Variants in PANK2 observed in about 807,000 individuals in gnomAD.
PANK2 encodes the protein pantothenate kinase 2.
A neutral mutation model predicts 43.1 loss-of-function variants in PANK2; 36 were observed. That is an observed-to-expected ratio of 0.84 (90% CI 0.64 to 1.10). The LOEUF is 1.10. Ranked by LOEUF, PANK2 falls within the 50% of genes least tolerant of loss-of-function variation. PANK2 has a pLI of 0.00. For synonymous variants in PANK2, 281 were observed against 238.2 expected, an observed-to-expected ratio of 1.18 and a Z score of -1.66; for missense variants, 576 against 593.3, an observed-to-expected ratio of 0.97 and a Z score of 0.30.
At chr20:3,889,772 C>T (rs762350151) in intron 1 of PANK2, 44 bp downstream of exon 1, 23 of 1,575,104 alleles carry the variant, frequency 1.5e-5, no homozygotes, top group African/African-American at 8.0e-5. Context: ...CCTGCCCCCC[C>T]TTCCGGCCCA....
At chr20:3,903,015 A>ACACC (rs1263749754) in intron 1 of PANK2, among the ~76,000 whole-genome samples, 10 of 117,112 alleles carry the variant, frequency 8.5e-5, no homozygotes, top group African/African-American at 3.1e-5. Flanking sequence ...ACACACACAC[A>ACACC]CACCCCTTTT....
upstream of PANK2, chr20:3,889,066 G>A (rs1286035414): frequency 6.0e-6 from 9 of 1,497,000 alleles, no homozygotes; most frequent in South Asian, 1.3e-5. Flanking sequence ...GGGGGGCAGA[G>A]GCATGCACAA....
rs1288950532 is a variant in PANK2, at chr20:3,927,485, A to G, written c.*4191A>G. The G allele has an allele frequency of 2.6e-5, 4 of 152,358 alleles. No homozygotes were observed. The South Asian group carries it at 8.3e-4, about 32-fold the overall frequency. 9.4% of individuals were successfully genotyped at this position (152,358 alleles called of 1,614,324 possible). On this transcript the variant is annotated 3_prime_UTR_variant, in exon 7 of 7. Transcript: ENST00000610179. Reference sequence around the variant, plus strand: ...TATTCTGCTGCAGAATTTTTAGTGTACAAAGACGTCTATGAAACCTGAGGT... The same window carrying G: ...TATTCTGCTGCAGAATTTTTAGTGTGCAAAGACGTCTATGAAACCTGAGGT...
chr20:3,918,901 T>A, intron 6 of PANK2, 105 bp downstream of exon 6: 2 of 1,579,498 alleles, frequency 1.3e-6, no homozygotes, highest in Non-Finnish European at 1.7e-6. Context: ...GGCTGCAGTG[T>A]TTCTTTTGTT....
chr20:3,916,820 A>G (rs2090567277), intron 4 of PANK2, 107 bp from the exon 5 acceptor site: 7 of 1,497,036 alleles, frequency 4.7e-6, no homozygotes, highest in Admixed American at 1.9e-5. Flanking sequence ...GAAGATTTCA[A>G]CAATGTTGCC....
At chr20:3,889,133 C>G, upstream of PANK2, 1 of 1,560,978 alleles carries the variant, frequency 6.4e-7, no homozygotes, top group African/African-American at 1.4e-5. Flanking sequence ...ACCCACGCGT[C>G]CATTGGGCGG....
chr20:3,904,970 A>C (rs1046985658), intron 1 of PANK2, among the ~76,000 whole-genome samples: 1 of 152,198 alleles, frequency 6.6e-6, no homozygotes, highest in African/African-American at 2.4e-5. Context: ...ATACGTGGCA[A>C]AATATGGGGT....
intron 1 of PANK2, chr20:3,901,573 C>G (rs961257553): frequency 2.5e-5 from 24 of 976,984 alleles, no homozygotes; most frequent in Admixed American, 1.2e-4. Flanking sequence ...GCTTTCATTT[C>G]CTTCTCCCTT....
intron 2 of PANK2, among the ~76,000 whole-genome samples, chr20:3,909,884 G>A (rs2090441361): frequency 6.6e-6 from 1 of 152,042 alleles, no homozygotes; most frequent in Non-Finnish European, 1.5e-5. Flanking sequence ...GAGCCACCGT[G>A]CCCGGCCGAT....
chr20:3,904,066 G>A (rs1247517605), intron 1 of PANK2, among the ~76,000 whole-genome samples: 1 of 151,922 alleles, frequency 6.6e-6, no homozygotes, highest in Non-Finnish European at 1.5e-5. Context: ...AAAGTGCTGG[G>A]ATTACATTCT....
At chr20:3,894,476 G>A (rs1235689454) in intron 1 of PANK2, among the ~76,000 whole-genome samples, 2 of 151,994 alleles carry the variant, frequency 1.3e-5, no homozygotes, top group African/African-American at 4.8e-5. Context: ...TGGACCTCCG[G>A]TGATCTGCCC....
intron 4 of PANK2, among the ~76,000 whole-genome samples, chr20:3,912,993 G>A (rs1028542975): frequency 1.4e-5 from 2 of 142,124 alleles, no homozygotes; most frequent in African/African-American, 5.1e-5. Context: ...TTTTAAAAAA[G>A]CTCTATTGAG....
rs1049738281 is a variant in PANK2, at chr20:3,913,369, G to A, written c.1082+735G>A. ...TAATATTTCTTTTTTCTGAGACGGC[G>A]TTTTACTCTTTTTGCCCAGGCTGGA... is the stretch of plus-strand genomic sequence containing the variant. On this transcript the variant is annotated intron_variant, in intron 4 of 6. Coordinates refer to ENST00000610179, the MANE Select transcript of PANK2 (RefSeq NM_001386393.1). Among the ~76,000 whole-genome samples the A allele has an allele frequency of 5.3e-5, 8 of 151,930 alleles. No homozygotes were observed. The South Asian group carries it at 1.5e-3, about 28-fold the overall frequency.
chr20:3,920,847 A>G (rs2090635194), intron 6 of PANK2, among the ~76,000 whole-genome samples: 2 of 152,220 alleles, frequency 1.3e-5, no homozygotes, highest in African/African-American at 4.8e-5. Flanking sequence ...CTCCATCTCA[A>G]AACAAAAAAC....
chr20:3,913,153 A>T (rs73084555), intron 4 of PANK2, among the ~76,000 whole-genome samples: 14,312 of 150,846 alleles, frequency 0.095, 926 homozygotes, highest in Non-Finnish European at 0.15. Context: ...ATTAGCTACG[A>T]CTCTCCATTC....
At chr20:3,900,034 A>C (rs535698130) in intron 1 of PANK2, among the ~76,000 whole-genome samples, 2 of 150,898 alleles carry the variant, frequency 1.3e-5, no homozygotes, top group Non-Finnish European at 3.0e-5. Flanking sequence ...CACATGAGAG[A>C]GTTTTTTTTT....
In PANK2 at chr20:3,907,977, A is replaced by G. The variant is rs1555787646; in HGVS notation, c.350A>G (p.Tyr117Cys). ...GGTGGAACTCTGGTCAAGCTGGTAT[A>G]TTTTGAACCCAAAGACATCACTGCT... Residue 117 changes from tyrosine to cysteine, a missense_variant, in exon 2 of 7, where the codon TAT (tyrosine) becomes TGT (cysteine). By Grantham distance (194) the Tyr-to-Cys change is radical. Around this residue, in one of 2 missense-constraint regions of PANK2, gnomAD observed 544 missense variants for 528.9 expected, o/e 1.03. Coordinates refer to ENST00000610179, the MANE Select transcript of PANK2 (RefSeq NM_001386393.1). 5.0e-6 allele frequency: 8 copies of G among 1,614,048 alleles called. No individual in the cohort carries two copies. The highest frequency in any genetic ancestry group is 2.7e-5 in the African/African-American group (2 of 74,920).
chr20:3,918,601 A>G (rs548045694), intron 5 of PANK2, 70 bp from the exon 6 acceptor site: 1 of 1,598,762 alleles, frequency 6.3e-7, no homozygotes, highest in South Asian at 1.1e-5. Flanking sequence ...ATGGTGCTGT[A>G]TTTGGGGTAG....
intron 1 of PANK2, among the ~76,000 whole-genome samples, chr20:3,904,898 C>T (rs1212613524): frequency 6.6e-6 from 1 of 152,174 alleles, no homozygotes; most frequent in Non-Finnish European, 1.5e-5. Context: ...TCCTGTTCTT[C>T]TGCCAGTGGA....
Sources: gnomAD v4.1 joint callset for allele counts (sites outside exome capture counted in the v4.1 genomes callset) on GRCh38, gnomAD v4.1.1 for gene constraint, gnomAD v4.1.1 regional missense constraint, MANE v1.5 for transcripts, NCBI Gene and HGNC (gene_info 2026-07-23, HGNC 2026-07-21) for gene names.